CSMD2: variants seen among roughly 807,000 people sequenced by gnomAD.
CSMD2 encodes CUB and sushi domain-containing protein 2.
A neutral mutation model predicts 398.5 loss-of-function variants in CSMD2; 130 were observed. The observed-to-expected ratio is 0.33, with a 90% CI of 0.28 to 0.38. The LOEUF (loss-of-function observed/expected upper bound fraction) is 0.38, where lower values mean the gene tolerates loss of function less well. Among genes scored for constraint, CSMD2 ranks in the 10% least tolerant of loss-of-function variants. CSMD2 has a pLI of 1.00. For missense variants in CSMD2, 3,829 were observed against 4,764.9 expected (o/e 0.80, Z 5.78); for synonymous variants, 1,828 against 1,908.5 (o/e 0.96, Z 1.10).
At chr1:33,903,677 G>T (rs1317783678) in intron 5 of CSMD2, among the ~76,000 whole-genome samples, 1 of 152,130 alleles carries the variant, frequency 6.6e-6, no homozygotes, top group Non-Finnish European at 1.5e-5. Context: ...GCTGGCAATG[G>T]CAGGGGAGGG....
chr1:33,689,526 C>T (rs1645166045), intron 25 of CSMD2, among the ~76,000 whole-genome samples: 1 of 152,126 alleles, frequency 6.6e-6, no homozygotes, highest in African/African-American at 2.4e-5. Context: ...CGCCTCCTGT[C>T]TCCCCTCCAC....
rs1157099761 is a variant in CSMD2 at position 33,546,143 on chromosome 1, G to A, written c.8994C>T (p.Gly2998=). The A allele has an allele frequency of 3.7e-6, 6 of 1,614,080 alleles. No homozygotes were observed. The African/African-American group carries it at 6.7e-5, about 18-fold the overall frequency. ...CTTCACAGCTGAAGCGCATCACAGT[G>A]CCTGGATCAAAGCTGTCCCCCAAAC... ...GIRLGDSFDP[G]TVMRFSCEAG... is the part of the protein sequence containing the mutation. Residue 2998 remains glycine (G), a synonymous_variant, in exon 57 of 71, where the codon GGC becomes GGT. Coordinates refer to ENST00000373381, the MANE Select transcript of CSMD2 (RefSeq NM_001281956.2).
chr1:33,846,693 C>T (rs1557995454), intron 6 of CSMD2, among the ~76,000 whole-genome samples, 191 bp downstream of exon 6: 1 of 152,176 alleles, frequency 6.6e-6, no homozygotes, highest in Non-Finnish European at 1.5e-5. Context: ...GGAAACATCC[C>T]TCTCTGGGGC....
At position 33,634,836 on chromosome 1, in the gene CSMD2, C is replaced by T. The variant is rs149088961; in HGVS notation, c.5086+378G>A. On this transcript the variant is annotated intron_variant, in intron 31 of 70. Coordinates refer to ENST00000373381, the MANE Select transcript of CSMD2 (RefSeq NM_001281956.2). ...TTTCAAGCCCAGCTCCATCCCATTCCTCTCCTCCCTCCTGCTCCTTGGCCA... is the reference window on the plus strand; with the variant it reads ...TTTCAAGCCCAGCTCCATCCCATTCTTCTCCTCCCTCCTGCTCCTTGGCCA... 7.1e-3 allele frequency among the ~76,000 whole-genome samples: 1,081 copies of T among 152,240 alleles called. 7 individuals are homozygous for T. The highest frequency in any genetic ancestry group is 0.011 in the Non-Finnish European group (739 of 68,020).
chr1:33,544,611 A>T (rs12739764), intron 57 of CSMD2, among the ~76,000 whole-genome samples: 27,514 of 151,896 alleles, frequency 0.18, 2,791 homozygotes, highest in East Asian at 0.34. Context: ...ATACATGGGG[A>T]TCACGTGGAG....
At chr1:33,666,698 C>T (rs1292646088) in intron 25 of CSMD2, among the ~76,000 whole-genome samples, 3 of 152,034 alleles carry the variant, frequency 2.0e-5, no homozygotes, top group East Asian at 1.9e-4. Flanking sequence ...TGGGGCCCCA[C>T]ATTTGATTTG....
In CSMD2 at chr1:33,743,462, T is replaced by C; in HGVS notation, c.1991A>G (p.Asp664Gly). The change falls in exon 14 of 71, where the codon GAC becomes GGC. Residue 664 changes from aspartate (D) to glycine (G), a missense_variant. This residue lies in a region of CSMD2 where 2,001 missense variants were observed against 2,567.1 expected (regional missense o/e 0.78). Coordinates refer to ENST00000373381, the MANE Select transcript of CSMD2 (RefSeq NM_001281956.2). ...SRIHLAFNDI[D>G]VEPQFDFLVI... Reference sequence around the variant, plus strand: ...CAGGAAATCAAACTGAGGCTCCACGTCAATGTCGTTGAAGGCCAGGTGGAT... The same window carrying C: ...CAGGAAATCAAACTGAGGCTCCACGCCAATGTCGTTGAAGGCCAGGTGGAT... 6.2e-7 allele frequency: 1 copy of C among 1,614,120 alleles called. No homozygotes were observed. The highest frequency in any genetic ancestry group is 8.5e-7 in the Non-Finnish European group (1 of 1,180,030).
intron 3 of CSMD2, among the ~76,000 whole-genome samples, chr1:33,977,361 C>G (rs557032346): frequency 6.6e-6 from 1 of 151,978 alleles, no homozygotes; most frequent in Admixed American, 6.5e-5. Context: ...CCAGCAAACT[C>G]TCCTCAGTCC....
At chr1:33,659,929 C>A (rs1644076423) in intron 26 of CSMD2, among the ~76,000 whole-genome samples, 1 of 152,256 alleles carries the variant, frequency 6.6e-6, no homozygotes, top group Non-Finnish European at 1.5e-5. Context: ...TTGACAGCTA[C>A]TGAACTTATT....
intron 3 of CSMD2, among the ~76,000 whole-genome samples, chr1:33,995,194 A>G (rs1045465546): frequency 6.6e-6 from 1 of 152,224 alleles, no homozygotes; most frequent in Admixed American, 6.5e-5. Flanking sequence ...AAGAGTGTAA[A>G]TTATCCACAA....
intron 15 of CSMD2, among the ~76,000 whole-genome samples, chr1:33,734,332 T>C (rs1416967338): frequency 6.6e-6 from 1 of 152,168 alleles, no homozygotes; most frequent in African/African-American, 2.4e-5. Context: ...TTGTGCATCA[T>C]TTGAAATTTT....
intron 9 of CSMD2, chr1:33,813,167 G>C (rs1236363222): frequency 2.6e-5 from 4 of 152,180 alleles, no homozygotes; most frequent in Non-Finnish European, 5.9e-5. Context: ...TGGTATATTT[G>C]CAGTCTGTTG....
chr1:33,666,140 C>T lies in CSMD2; in HGVS notation c.4053-3048G>A, dbSNP rs760428059. 7.2e-5 allele frequency among the ~76,000 whole-genome samples: 11 copies of T among 152,278 alleles called. No individual in the cohort carries two copies. In the East Asian group the frequency reaches 7.7e-4, roughly 11 times the overall value. ...TAGAATCTACTTGTGGTACCAGGAA[C>T]GTAGCTACTCACCTTACTTGGGTTT... On this transcript the variant is annotated intron_variant, in intron 25 of 70. Transcript: ENST00000373381.
intron 5 of CSMD2, among the ~76,000 whole-genome samples, chr1:33,879,668 C>T (rs1641096225): frequency 6.6e-6 from 1 of 152,318 alleles, no homozygotes. Flanking sequence ...CTAACCACCA[C>T]CACTATAATC....
Position 33,519,415 on chromosome 1 carries a change from T to A in CSMD2, c.*53+50A>T. 2 of 1,196,144 alleles carry A rather than the reference T, an allele frequency of 1.7e-6. No individual in the cohort carries two copies. The highest frequency in any genetic ancestry group is 2.4e-6 in the Non-Finnish European group (2 of 825,916). 74.1% of individuals were successfully genotyped at this position (1,196,144 alleles called of 1,614,324 possible). ...GGGTGGAGCCCCTGGCACGCATAGG[T>A]CCCTGTCTGTGCTTGTCATGGCCTG... is the stretch of plus-strand genomic sequence containing the variant. On this transcript the variant is annotated intron_variant, in intron 70 of 70. Transcript: ENST00000373381. The surrounding 1 kb of genome is among the most constrained non-coding windows in gnomAD (Gnocchi z 5.6).
chr1:33,859,488 AT>A (rs1264983370), intron 5 of CSMD2, among the ~76,000 whole-genome samples: 1 of 152,228 alleles, frequency 6.6e-6, no homozygotes, highest in Admixed American at 6.5e-5. Context: ...ATAATCCAGG[AT>A]CATCTCCCTA....
intron 44 of CSMD2, chr1:33,599,971 T>TGTTTCCA: frequency 1.7e-6 from 1 of 600,752 alleles, no homozygotes; most frequent in Non-Finnish European, 3.0e-6. Flanking sequence ...GGCTGGGTTC[T>TGTTTCCA]GTTTCCAGTT....
At chr1:33,700,921 T>C (rs1161842710) in intron 22 of CSMD2, among the ~76,000 whole-genome samples, 2 of 152,222 alleles carry the variant, frequency 1.3e-5, no homozygotes, top group Non-Finnish European at 1.5e-5. Flanking sequence ...TGGGAACTCA[T>C]TGCTATTCTA....
intron 57 of CSMD2, among the ~76,000 whole-genome samples, chr1:33,543,668 A>AT (rs1248982486): frequency 6.6e-6 from 1 of 152,224 alleles, no homozygotes; most frequent in Non-Finnish European, 1.5e-5. Context: ...CAGATTCATT[A>AT]TTTCATTAGG....
Sources: gnomAD v4.1 joint callset for allele counts (sites outside exome capture counted in the v4.1 genomes callset) on GRCh38, gnomAD v4.1.1 for gene constraint, gnomAD v4.1.1 regional missense constraint, Gnocchi (gnomAD v3.1) non-coding constraint, MANE v1.5 for transcripts, NCBI Gene and HGNC (gene_info 2026-07-23, HGNC 2026-07-21) for gene names.